The following SGCD variants were observed in gnomAD, a reference collection of about 807,000 sequenced individuals.
SGCD encodes the protein sarcoglycan delta.
Under a neutral mutation model 36.6 loss-of-function variants are expected in SGCD, and 18 were observed. The ratio of observed to expected loss-of-function variants is 0.49; its 90% CI spans 0.34 to 0.73. SGCD has a LOEUF of 0.73. Ranked by LOEUF, SGCD falls within the 30% of genes least tolerant of loss-of-function variation. SGCD has a pLI of 0.01. For synonymous variants in SGCD, 133 were observed against 130.6 expected (o/e 1.02, Z -0.12); for missense variants, 387 against 346.7 (o/e 1.12, Z -0.92).
chr5:155,730,993 CG>C, the SGCD span, among the ~76,000 whole-genome samples: 1 of 152,042 alleles, frequency 6.6e-6, no homozygotes, highest in African/African-American at 2.4e-5. Flanking sequence ...GGAGCCTTGA[CG>C]TTTGAAAGGG....
intron 7 of SGCD, among the ~76,000 whole-genome samples, chr5:156,695,511 G>A (rs112692997): frequency 1.1e-3 from 161 of 140,030 alleles, no homozygotes; most frequent in African/African-American, 2.5e-3. Flanking sequence ...ATAGATAGAT[G>A]GATAGATAGA....
intron 3 of SGCD, among the ~76,000 whole-genome samples, chr5:156,224,175 G>T (rs1309363522): frequency 1.3e-5 from 2 of 151,872 alleles, no homozygotes; most frequent in African/African-American, 4.8e-5. Flanking sequence ...CAACATTGAG[G>T]TGCAGGGAGA....
intron 3 of SGCD, among the ~76,000 whole-genome samples, chr5:156,239,453 T>C (rs1226944272): frequency 3.8e-4 from 55 of 144,300 alleles, no homozygotes; most frequent in Admixed American, 3.7e-3. Context: ...GGGAATAGTA[T>C]AGTGCAAAGT....
At chr5:155,851,514 GAAT>G in the SGCD span, among the ~76,000 whole-genome samples, 1 of 152,266 alleles carries the variant, frequency 6.6e-6, no homozygotes, top group Non-Finnish European at 1.5e-5. Context: ...ACCAGTGGAG[GAAT>G]ATGGTGTTTG....
intron 3 of SGCD, among the ~76,000 whole-genome samples, chr5:156,431,722 G>A (rs1465612814): frequency 2.6e-5 from 4 of 151,802 alleles, no homozygotes; most frequent in Non-Finnish European, 5.9e-5. Context: ...TTTTTGTTTT[G>A]TTTTGTTTTT....
chr5:156,115,449 C>G (rs1388691881), intron 1 of SGCD, among the ~76,000 whole-genome samples: 1 of 151,946 alleles, frequency 6.6e-6, no homozygotes, highest in Non-Finnish European at 1.5e-5. Context: ...TGTATTATTA[C>G]CCAACCCCTA....
intron 3 of SGCD, among the ~76,000 whole-genome samples, chr5:156,396,032 C>T (rs1771829201): frequency 6.6e-6 from 1 of 152,146 alleles, no homozygotes; most frequent in Non-Finnish European, 1.5e-5. Flanking sequence ...TGTTTCTTCA[C>T]TTAGAATTTT....
chr5:156,478,603 CAG>C (rs1268615744), intron 3 of SGCD, among the ~76,000 whole-genome samples: 1 of 152,152 alleles, frequency 6.6e-6, no homozygotes, highest in East Asian at 1.9e-4. Flanking sequence ...GTTTTTGAGA[CAG>C]AGTCTCGCTG....
chr5:156,228,751 G>A (rs1203089881), intron 3 of SGCD, among the ~76,000 whole-genome samples: 1 of 146,772 alleles, frequency 6.8e-6, no homozygotes, highest in Admixed American at 6.7e-5. Context: ...CATAGATTCG[G>A]TGAGATTTAT....
At chr5:155,870,749 C>A (rs1250244733) in intron 1 of SGCD, among the ~76,000 whole-genome samples, 4 of 152,076 alleles carry the variant, frequency 2.6e-5, no homozygotes, top group Non-Finnish European at 5.9e-5. Context: ...AAACCAAAAC[C>A]AAAAGTGATT....
At chr5:156,470,416 A>G (rs1561716375) in intron 3 of SGCD, among the ~76,000 whole-genome samples, 1 of 152,042 alleles carries the variant, frequency 6.6e-6, no homozygotes, top group Non-Finnish European at 1.5e-5. Flanking sequence ...ATATGTATAC[A>G]TGTGCCATGC....
chr5:156,420,865 T>C (rs1353839708), intron 3 of SGCD, among the ~76,000 whole-genome samples: 1 of 152,148 alleles, frequency 6.6e-6, no homozygotes, highest in Admixed American at 6.6e-5. Context: ...AATGGCTATC[T>C]GTTGGTGATC....
rs571777594 is a variant in SGCD, at chr5:156,345,818, T to C, written c.192+1141T>C. On this transcript the variant is annotated intron_variant, in intron 3 of 8. Coordinates refer to ENST00000337851, the MANE Select transcript of SGCD (RefSeq NM_000337.6). The stretch of plus-strand genomic sequence containing the variant: ...ACAATCCCAAATATCATAGTGGATA[T>C]TTGCATTTTCTAAATTACAAAGTTC... 2.0e-5 allele frequency among the ~76,000 whole-genome samples: 3 copies of C among 152,262 alleles called. No individual in the cohort carries two copies. The East Asian group carries it at 5.8e-4, about 29-fold the overall frequency.
At chr5:156,448,825 T>C (rs1753865797) in intron 3 of SGCD, among the ~76,000 whole-genome samples, 2 of 140,688 alleles carry the variant, frequency 1.4e-5, no homozygotes, top group African/African-American at 5.3e-5. Context: ...GTTGGCTCAC[T>C]GCAACCTCTG....
At chr5:156,539,641 T>C (rs1758271462) in intron 4 of SGCD, among the ~76,000 whole-genome samples, 1 of 152,174 alleles carries the variant, frequency 6.6e-6, no homozygotes, top group African/African-American at 2.4e-5. Flanking sequence ...TATCATATTT[T>C]CTTTATCCAC....
chr5:155,871,203 G>A (rs1755649489), intron 1 of SGCD, among the ~76,000 whole-genome samples: 1 of 152,034 alleles, frequency 6.6e-6, no homozygotes, highest in South Asian at 2.1e-4. Flanking sequence ...GATATTTGGG[G>A]CCTCAGTTTA....
chr5:156,163,915 C>T (rs938288319), intron 3 of SGCD, among the ~76,000 whole-genome samples: 6 of 146,300 alleles, frequency 4.1e-5, no homozygotes, highest in East Asian at 2.0e-4. Context: ...CCCAGCTACT[C>T]GGGAGGCTGA....
At chr5:156,631,181 G>A (rs1026512683) in intron 6 of SGCD, among the ~76,000 whole-genome samples, 1 of 152,118 alleles carries the variant, frequency 6.6e-6, no homozygotes, top group Non-Finnish European at 1.5e-5. Context: ...CATTTTTCAG[G>A]ACAACTTGGT....
At chr5:156,282,234 G>A (rs1766472301) in intron 3 of SGCD, among the ~76,000 whole-genome samples, 1 of 152,104 alleles carries the variant, frequency 6.6e-6, no homozygotes, top group South Asian at 2.1e-4. Context: ...ACTATAGTAT[G>A]GCAGAATAAG....
Sources: allele counts gnomAD v4.1 joint callset (sites outside exome capture counted in the v4.1 genomes callset), GRCh38; gene constraint gnomAD v4.1.1; transcripts MANE v1.5; gene names NCBI Gene and HGNC (gene_info 2026-07-23, HGNC 2026-07-21).